Variants in CELF2 observed in about 807,000 individuals in gnomAD.
CELF2 encodes the protein CUGBP Elav-like family member 2.
In CELF2, 8 loss-of-function variants were observed where a neutral mutation model predicts 62.6. That is an observed-to-expected ratio of 0.13 (90% CI 0.07 to 0.23). The LOEUF is 0.23. Ranked by LOEUF, CELF2 falls within the 10% of genes least tolerant of loss-of-function variation. CELF2 has a pLI of 1.00. For synonymous variants in CELF2, 258 were observed against 250.0 expected, an observed-to-expected ratio of 1.03 and a Z score of -0.30; for missense variants, 333 against 671.0, an observed-to-expected ratio of 0.50 and a Z score of 5.56.
chr10:11,057,093 C>A (rs1564550474), intron 1 of CELF2, among the ~76,000 whole-genome samples: 1 of 152,162 alleles, frequency 6.6e-6, no homozygotes, highest in East Asian at 1.9e-4. Context: ...GGCCCTGGTA[C>A]CATCTGTGTA....
the CELF2 span, among the ~76,000 whole-genome samples, chr10:10,562,925 AT>A: frequency 0.041 from 5,788 of 141,048 alleles, 335 homozygotes; most frequent in African/African-American, 0.15. Flanking sequence ...AGTCTAAGGC[AT>A]TTTTTTTTTT....
At chr10:10,915,197 A>G (rs369322580) in intron 1 of CELF2, among the ~76,000 whole-genome samples, 1 of 152,082 alleles carries the variant, frequency 6.6e-6, no homozygotes, top group African/African-American at 2.4e-5. Flanking sequence ...TATCTTGGTA[A>G]TGATAACTAA....
intron 8 of CELF2, among the ~76,000 whole-genome samples, chr10:11,284,502 G>GTGGATGAGGGATGAGTGTGTGGTGGGT (rs371512630): frequency 3.9e-4 from 15 of 38,112 alleles, no homozygotes; most frequent in African/African-American, 1.0e-3. Flanking sequence ...TGTGTGGTGG[G>GTGGATGAGGGATGAGTGTGTGGTGGGT]GGATGAGGGA....
chr10:11,172,000 G>A (rs572067843), intron 2 of CELF2, among the ~76,000 whole-genome samples: 18 of 152,264 alleles, frequency 1.2e-4, no homozygotes, highest in Middle Eastern at 3.4e-3. Context: ...CTGGGAGCCC[G>A]TTTATTTAAG....
chr10:11,192,509 T>A (rs2076498013), intron 2 of CELF2, among the ~76,000 whole-genome samples: 1 of 152,234 alleles, frequency 6.6e-6, no homozygotes, highest in Non-Finnish European at 1.5e-5. Context: ...GACTTGATTG[T>A]GCAAGAGCTG....
the CELF2 span, among the ~76,000 whole-genome samples, chr10:10,616,719 T>TGTGTGTGTGAGA: frequency 1.8e-5 from 1 of 55,142 alleles, no homozygotes; most frequent in Non-Finnish European, 6.0e-5. Context: ...TGTGTGTGTG[T>TGTGTGTGTGAGA]GAGAGAGAGA....
chr10:11,211,834 G>GTGTGTGTGTGTT lies in CELF2; in HGVS notation c.272-5580_272-5579insTTGTGTGTGTGT, dbSNP rs1233778070. On this transcript the variant is annotated intron_variant, in intron 2 of 12. Coordinates refer to ENST00000633077, the MANE Select transcript of CELF2 (RefSeq NM_001326342.2). The surrounding 1 kb of genome is among the most constrained non-coding windows in gnomAD (Gnocchi z 4.8). The stretch of plus-strand genomic sequence containing the variant: ...AGAGAGTGTGTGTGTGTGTGTGTGT[G>GTGTGTGTGTGTT]TGTGTGTGTGTGTGTGTGTGTAACT... 2.7e-5 allele frequency among the ~76,000 whole-genome samples: 4 copies of GTGTGTGTGTGTT among 150,308 alleles called. No individual in the cohort carries two copies. Among genetic ancestry groups the GTGTGTGTGTGTT allele is most frequent in the Non-Finnish European group, 4.4e-5 (3 of 67,850 alleles).
intron 1 of CELF2, among the ~76,000 whole-genome samples, chr10:11,085,915 A>G (rs2046579456): frequency 6.6e-6 from 1 of 150,632 alleles, no homozygotes; most frequent in Non-Finnish European, 1.5e-5. Context: ...TTTTCTGTCA[A>G]CTCTCTGTGC....
the CELF2 span, among the ~76,000 whole-genome samples, chr10:10,562,017 G>A: frequency 6.6e-6 from 1 of 152,170 alleles, no homozygotes; most frequent in African/African-American, 2.4e-5. Flanking sequence ...CAAGCTTTTA[G>A]CTTCAATTCC....
intron 1 of CELF2, among the ~76,000 whole-genome samples, chr10:10,903,057 C>A (rs2063060555): frequency 6.6e-6 from 1 of 152,096 alleles, no homozygotes; most frequent in Non-Finnish European, 1.5e-5. Flanking sequence ...TCAGAGAACT[C>A]GTCTAGGAGC....
the CELF2 span, among the ~76,000 whole-genome samples, chr10:10,566,444 T>A: frequency 6.7e-6 from 1 of 149,790 alleles, no homozygotes; most frequent in Non-Finnish European, 1.5e-5. Context: ...ATACTCTAAG[T>A]TTTAGGGTAC....
rs1399849474 is a variant in CELF2, at chr10:11,257,042, G to T, written c.404-696G>T. Among the ~76,000 whole-genome samples the T allele has an allele frequency of 1.4e-4, 22 of 152,170 alleles. No individual in the cohort carries two copies. The East Asian group carries it at 3.9e-3, about 27-fold the overall frequency. ...TTCTCCTCTCTAGAATCGGCTTCCT[G>T]TTGAGCGGTAACTAACCTGGCTGCT... On this transcript the variant is annotated intron_variant, in intron 4 of 12. Coordinates refer to ENST00000633077, the MANE Select transcript of CELF2 (RefSeq NM_001326342.2).
At chr10:10,519,103 C>T in the CELF2 span, among the ~76,000 whole-genome samples, 1 of 152,032 alleles carries the variant, frequency 6.6e-6, no homozygotes, top group Non-Finnish European at 1.5e-5. Context: ...GGGAGGTGAC[C>T]CAAGCCATAA....
the CELF2 span, among the ~76,000 whole-genome samples, chr10:10,523,212 T>C: frequency 1.3e-5 from 2 of 152,198 alleles, no homozygotes; most frequent in African/African-American, 4.8e-5. Flanking sequence ...CTTGATAAGC[T>C]CCACACAGTG....
intron 1 of CELF2, among the ~76,000 whole-genome samples, chr10:11,121,141 A>G (rs1180683972): frequency 6.6e-6 from 1 of 152,158 alleles, no homozygotes; most frequent in Non-Finnish European, 1.5e-5. Context: ...ACTACATACT[A>G]TTTTGCAAAT....
At chr10:11,078,735 G>A (rs180893706) in intron 1 of CELF2, among the ~76,000 whole-genome samples, 104 of 152,306 alleles carry the variant, frequency 6.8e-4, no homozygotes, top group Admixed American at 5.4e-3. Flanking sequence ...AAAAGAATCG[G>A]AGGCTGCCAG....
intron 1 of CELF2, among the ~76,000 whole-genome samples, chr10:11,041,718 A>G (rs547698982): frequency 4.6e-5 from 7 of 152,328 alleles, no homozygotes; most frequent in South Asian, 2.1e-4. Context: ...GTCCATTTTC[A>G]TGCTGTGAAT....
At chr10:10,608,667 T>C in the CELF2 span, among the ~76,000 whole-genome samples, 1 of 152,264 alleles carries the variant, frequency 6.6e-6, no homozygotes, top group East Asian at 1.9e-4. Flanking sequence ...ATTCCACTTG[T>C]GTCCTATAAT....
chr10:11,211,782 G>T lies in CELF2; in HGVS notation c.272-5643G>T, dbSNP rs1454575849. 7.0e-6 allele frequency among the ~76,000 whole-genome samples: 1 copy of T among 142,982 alleles called. No individual in the cohort carries two copies. Among genetic ancestry groups the T allele is most frequent in the Non-Finnish European group, 1.5e-5 (1 of 66,012 alleles). The allele number at this position is 142,982 out of a possible 152,430, so 93.8% of individuals were successfully genotyped here. A position where few individuals can be genotyped will look rare whatever the true frequency, so the allele number is the denominator to read the frequency against. On this transcript the variant is annotated intron_variant, in intron 2 of 12. Coordinates refer to ENST00000633077, the MANE Select transcript of CELF2 (RefSeq NM_001326342.2). This position sits in a 1 kb window ranked among gnomAD's most constrained non-coding sequence, Gnocchi z 4.8. ...TGTGTGAGTGAGTGAGAGTGTGTGT[G>T]TATGTGTGTGAGAGAGAGAGAGAGA...
Sources: gnomAD v4.1 joint callset for allele counts (sites outside exome capture counted in the v4.1 genomes callset) on GRCh38, gnomAD v4.1.1 for gene constraint, Gnocchi (gnomAD v3.1) non-coding constraint, MANE v1.5 for transcripts, NCBI Gene and HGNC (gene_info 2026-07-23, HGNC 2026-07-21) for gene names.